The following SATB2 variants were observed in gnomAD, a reference collection of about 807,000 sequenced individuals.
The protein encoded by SATB2 is DNA-binding protein SATB2.
Under a neutral mutation model 73.4 loss-of-function variants are expected in SATB2, and 1 was observed. The observed-to-expected ratio is 0.01, with a 90% CI of 0.00 to 0.06. The LOEUF (loss-of-function observed/expected upper bound fraction) is 0.06, where lower values mean the gene tolerates loss of function less well. SATB2 is among the 10% of genes least tolerant of loss of function. The pLI, the probability that SATB2 is intolerant of heterozygous loss-of-function variation, is 1.00. For synonymous variants in SATB2, 397 were observed against 367.0 expected (o/e 1.08, Z -0.93); for missense variants, 459 against 945.8 (o/e 0.49, Z 6.75).
In SATB2 at chr2:199,336,654, C is replaced by T. The variant is rs545157951; in HGVS notation, c.1174-7744G>A. Among the ~76,000 whole-genome samples the T allele has an allele frequency of 9.8e-5, 15 of 152,308 alleles. No individual in the cohort carries two copies. The South Asian group carries it at 3.1e-3, about 32-fold the overall frequency. On this transcript the variant is annotated intron_variant, in intron 7 of 10. Coordinates refer to ENST00000417098, the MANE Select transcript of SATB2 (RefSeq NM_001172509.2). ...TAATCACCTTCAGGGTCAAAAGCAT[C>T]TGTTCTCACATAGCACATGGGACAC... is the stretch of plus-strand genomic sequence containing the variant.
Position 199,272,349 on chromosome 2 carries a change from T to C in SATB2, c.2064A>G (p.Glu688=). Residue 688 remains glutamate (E), a synonymous_variant, in exon 11 of 11, where the codon GAA becomes GAG. Coordinates refer to ENST00000417098, the MANE Select transcript of SATB2 (RefSeq NM_001172509.2). This position sits in a 1 kb window ranked among gnomAD's most constrained non-coding sequence, Gnocchi z 6.7. ...CGGTCAGCAGCTCCTCGTCCTTATA[T>C]TCAGCCACGTCCACCGCGGAGCCCA... is the stretch of plus-strand genomic sequence containing the variant. ...EHLGSAVDVA[E]YKDEELLTES... The C allele has an allele frequency of 6.2e-7, 1 of 1,614,194 alleles. No homozygotes were observed. Among genetic ancestry groups the C allele is most frequent in the Non-Finnish European group, 8.5e-7 (1 of 1,180,022 alleles).
chr2:199,334,651 A>C (rs1458578084), intron 7 of SATB2, among the ~76,000 whole-genome samples: 2 of 152,108 alleles, frequency 1.3e-5, no homozygotes, highest in African/African-American at 4.8e-5. Context: ...ATTTTCACAT[A>C]ATTCTAAAAT....
intron 2 of SATB2, among the ~76,000 whole-genome samples, chr2:199,450,172 A>G (rs564869682): frequency 4.9e-4 from 74 of 152,184 alleles, no homozygotes; most frequent in African/African-American, 1.6e-3. Context: ...AATTCCCCTT[A>G]TGCATTCTCA....
chr2:199,371,876 A>C (rs1689458381), intron 5 of SATB2, among the ~76,000 whole-genome samples: 1 of 152,194 alleles, frequency 6.6e-6, no homozygotes, highest in South Asian at 2.1e-4. Context: ...CCGAGGAACT[A>C]TGATTTACTA....
At chr2:199,297,843 T>C (rs959273101) in intron 10 of SATB2, among the ~76,000 whole-genome samples, 2 of 151,768 alleles carry the variant, frequency 1.3e-5, no homozygotes, top group African/African-American at 4.8e-5. Flanking sequence ...TCATACCCAA[T>C]GGCATTTTAT....
chr2:199,458,923 C>G (rs565477252), upstream of SATB2, among the ~76,000 whole-genome samples: 100 of 152,218 alleles, frequency 6.6e-4, no homozygotes, highest in Non-Finnish European at 1.3e-3. Context: ...GGCCGCGAGT[C>G]CGGAACAATA....
At chr2:199,346,707 C>T (rs534939331) in intron 7 of SATB2, among the ~76,000 whole-genome samples, 17 of 152,192 alleles carry the variant, frequency 1.1e-4, no homozygotes, top group African/African-American at 3.9e-4. Flanking sequence ...AGTAAACAGA[C>T]CCTCTTTAAC....
At chr2:199,291,826 C>T (rs1370716709) in intron 10 of SATB2, among the ~76,000 whole-genome samples, 3 of 151,762 alleles carry the variant, frequency 2.0e-5, no homozygotes, top group African/African-American at 7.3e-5. Context: ...GCAGGAGAAT[C>T]GCTTAAACTG....
At chr2:199,327,948 C>G (rs1688076851) in intron 8 of SATB2, among the ~76,000 whole-genome samples, 1 of 152,080 alleles carries the variant, frequency 6.6e-6, no homozygotes, top group Non-Finnish European at 1.5e-5. Context: ...CTTCAACTAC[C>G]CTCTGCCCCC....
At chr2:199,368,826 C>G (rs925928391) in intron 5 of SATB2, 119 bp from the exon 6 acceptor site, 2 of 630,046 alleles carry the variant, frequency 3.2e-6, no homozygotes, top group Non-Finnish European at 5.6e-6. Context: ...AACAGTCACT[C>G]TCCTGTAAAC....
At chr2:199,297,111 A>G (rs1433084508) in intron 10 of SATB2, among the ~76,000 whole-genome samples, 1 of 152,252 alleles carries the variant, frequency 6.6e-6, no homozygotes, top group African/African-American at 2.4e-5. Flanking sequence ...CTATTATATA[A>G]GAAAGATACG....
intron 1 of SATB2, among the ~76,000 whole-genome samples, chr2:199,456,707 G>C (rs1253843179): frequency 6.6e-6 from 1 of 152,130 alleles, no homozygotes; most frequent in Non-Finnish European, 1.5e-5. Flanking sequence ...ACACTTGGAG[G>C]TATTTATCAG....
intron 6 of SATB2, among the ~76,000 whole-genome samples, chr2:199,358,580 C>T (rs1689052684): frequency 6.6e-6 from 1 of 152,146 alleles, no homozygotes; most frequent in Non-Finnish European, 1.5e-5. Context: ...TGCAAAGTCC[C>T]TGCCTAGAGC....
chr2:199,433,713 C>A (rs1449406794), intron 2 of SATB2, among the ~76,000 whole-genome samples, 199 bp from the exon 3 acceptor site: 1 of 152,048 alleles, frequency 6.6e-6, no homozygotes, highest in South Asian at 2.1e-4. Flanking sequence ...TTGCCCAGGG[C>A]AGTGGCAGAA....
intron 10 of SATB2, among the ~76,000 whole-genome samples, chr2:199,277,376 T>C (rs917486891): frequency 6.6e-6 from 1 of 152,218 alleles, no homozygotes; most frequent in Non-Finnish European, 1.5e-5. Flanking sequence ...GGCTTAGTAG[T>C]TGACCTTTAT....
At chr2:199,281,686 T>C (rs1463788566) in intron 10 of SATB2, among the ~76,000 whole-genome samples, 2 of 152,120 alleles carry the variant, frequency 1.3e-5, no homozygotes, top group African/African-American at 4.8e-5. Flanking sequence ...AAAATCAGCA[T>C]TAAGGACAAT....
intron 3 of SATB2, among the ~76,000 whole-genome samples, chr2:199,421,638 C>T (rs776739697): frequency 1.8e-4 from 28 of 152,050 alleles, no homozygotes; most frequent in Non-Finnish European, 2.9e-4. Context: ...CACAATACTG[C>T]GTGTATGTTT....
chr2:199,457,999 C>T (rs1183082792), upstream of SATB2: 1 of 153,812 alleles, frequency 6.5e-6, no homozygotes, highest in Non-Finnish European at 1.4e-5. This position sits in a 1 kb window ranked among gnomAD's most constrained non-coding sequence, Gnocchi z 4.8. Context: ...TGCGTTGAGT[C>T]ATCAGGCAAA....
intron 7 of SATB2, among the ~76,000 whole-genome samples, chr2:199,346,607 C>T (rs1029956996): frequency 2.2e-4 from 34 of 152,118 alleles, no homozygotes; most frequent in South Asian, 2.1e-4. Flanking sequence ...TTAACAAAAA[C>T]GCTATTTATT....
Sources: allele counts gnomAD v4.1 joint callset (sites outside exome capture counted in the v4.1 genomes callset), GRCh38; gene constraint gnomAD v4.1.1; non-coding constraint Gnocchi (gnomAD v3.1); transcripts MANE v1.5; gene names NCBI Gene and HGNC (gene_info 2026-07-23, HGNC 2026-07-21).